The following CTSD variants were observed in gnomAD, a reference collection of about 807,000 sequenced individuals.
The protein encoded by CTSD is ceroid-lipofuscinosis, neuronal 10.
In CTSD, 28 loss-of-function variants were observed where a neutral mutation model predicts 43.6. The observed-to-expected ratio is 0.64, with a 90% CI of 0.48 to 0.88. The LOEUF is 0.88. Among genes scored for constraint, CTSD ranks in the 40% least tolerant of loss-of-function variants. The pLI is 0.00. For synonymous variants in CTSD, 270 were observed against 249.8 expected (o/e 1.08, Z -0.76); for missense variants, 485 against 555.2 (o/e 0.87, Z 1.27).
chr11:1,758,854 AGGGCTGGGGTT>A (rs1845840229), intron 4 of CTSD, 104 bp downstream of exon 4: 2 of 819,460 alleles, frequency 2.4e-6, no homozygotes, highest in Non-Finnish European at 4.3e-6. Flanking sequence ...CGGCCACCTG[AGGGCTGGGGTT>A]GGGCTGGGAT....
At chr11:1,763,728 A>G in intron 1 of CTSD, 64 bp downstream of exon 1, 2 of 1,420,968 alleles carry the variant, frequency 1.4e-6, no homozygotes, top group Middle Eastern at 2.4e-4. Flanking sequence ...AAGTCACCAC[A>G]GGCCCCGGGA....
chr11:1,759,475 A>G (rs537543164), intron 3 of CTSD, 41 bp downstream of exon 3: 16 of 1,611,526 alleles, frequency 9.9e-6, no homozygotes, highest in Admixed American at 1.7e-5. Context: ...ACATCCCGGA[A>G]GGGCAGGACC....
chr11:1,761,213 G>T, intron 2 of CTSD, 96 bp downstream of exon 2: 2 of 1,423,498 alleles, frequency 1.4e-6, no homozygotes, highest in South Asian at 1.2e-5. Context: ...CTCAAACTGC[G>T]CTGCTGAGAA....
At position 1,754,525 on chromosome 11, in the gene CTSD, G is replaced by GGGGATGTGGGGATGGAGGGATGGA. The variant is rs1554962370; in HGVS notation, c.827+380_827+381insTCCATCCCTCCATCCCCACATCCC. ...GGGGATGGAGGGATGGAGGGATGGA[G>GGGGATGTGGGGATGGAGGGATGGA]GGGATGGAGGGATGGAGGGATGGAG... On this transcript the variant is annotated intron_variant, in intron 6 of 8. Transcript: ENST00000236671. Among the ~76,000 whole-genome samples the GGGGATGTGGGGATGGAGGGATGGA allele has an allele frequency of 1.8e-3, 62 of 33,660 alleles. 2 individuals are homozygous for GGGGATGTGGGGATGGAGGGATGGA. Among genetic ancestry groups the GGGGATGTGGGGATGGAGGGATGGA allele is most frequent in the African/African-American group, 4.8e-3 (52 of 10,780 alleles). The allele number at this position is 33,660 out of a possible 152,430, so 22.1% of individuals were successfully genotyped here. A position where few individuals can be genotyped will look rare whatever the true frequency, so the allele number is the denominator to read the frequency against.
rs145852974 is a variant in CTSD, at chr11:1,761,463, G to A, written c.74C>T (p.Pro25Leu). The A allele has an allele frequency of 5.0e-6, 8 of 1,613,630 alleles. No individual in the cohort carries two copies. The African/African-American group carries it at 9.3e-5, about 19-fold the overall frequency. The change falls in exon 2 of 9, where the codon CCG becomes CTG. Residue 25 changes from proline to leucine, a missense_variant. Physicochemically the swap from Pro to Leu is moderately conservative, Grantham distance 98. Transcript: ENST00000236671. The stretch of plus-strand genomic sequence containing the variant: ...GCGGATGGACGTGAACTTGTGCAGC[G>A]GGATCCTGTCAACCACGGGTCGGGG... ...AAPASALVRI[P>L]LHKFTSIRRT...
Position 1,753,893 on chromosome 11 carries a change from G to T in CTSD, c.981C>A (p.Ile327=). ...AVPLIQGEYM[I]PCEKVSTLPA... ...GCAGGGTGGACACCTTCTCACAGGG[G>T]ATCATGTACTAAGAGGGGTCACAGC... Residue 327 remains isoleucine (I), a synonymous_variant, in exon 8 of 9, where the codon ATC becomes ATA. Coordinates refer to ENST00000236671, the MANE Select transcript of CTSD (RefSeq NM_001909.5). 1.2e-6 allele frequency: 2 copies of T among 1,613,424 alleles called. No individual in the cohort carries two copies. Among genetic ancestry groups the T allele is most frequent in the African/African-American group, 2.7e-5 (2 of 75,024 alleles).
At chr11:1,759,220 G>T (rs751769213) in intron 3 of CTSD, 133 bp from the exon 4 acceptor site, 1 of 891,934 alleles carries the variant, frequency 1.1e-6, no homozygotes, top group South Asian at 1.3e-5. Context: ...ATTTGGAGGG[G>T]ATCTGAGGCC....
intron 6 of CTSD, 61 bp from the exon 7 acceptor site, chr11:1,754,199 G>A: frequency 6.4e-7 from 1 of 1,565,608 alleles, no homozygotes; most frequent in Non-Finnish European, 8.6e-7. Flanking sequence ...GGGGCCCAGT[G>A]CCCCTCCCTG....
At chr11:1,762,270 A>G (rs1263628045) in intron 1 of CTSD, 3 of 152,472 alleles carry the variant, frequency 2.0e-5, no homozygotes, top group Non-Finnish European at 4.4e-5. Flanking sequence ...GTCACCCAGC[A>G]CACCGCCAGC....
rs1184773829 is a variant in CTSD, at chr11:1,753,675, G to A, written c.1072-5C>T. On this transcript the variant is annotated splice_region_variant and splice_polypyrimidine_tract_variant and intron_variant, in intron 8 of 8. Coordinates refer to ENST00000236671, the MANE Select transcript of CTSD (RefSeq NM_001909.5). ...GGTCTTCCCGGCCTGCGACACCTGG[G>A]ACGGCCCTGGTGGTCAGTACCCAGG... 1 of 1,612,654 alleles carries A rather than the reference G, an allele frequency of 6.2e-7. No homozygotes were observed. Among genetic ancestry groups the A allele is most frequent in the Non-Finnish European group, 8.5e-7 (1 of 1,179,802 alleles).
chr11:1,759,959 G>C (rs536855139), intron 2 of CTSD, among the ~76,000 whole-genome samples: 13 of 152,334 alleles, frequency 8.5e-5, no homozygotes, highest in African/African-American at 2.4e-4. Context: ...AGCCAGGGTG[G>C]GGACAGACGT....
rs764106396 is a variant in CTSD at position 1,753,812 on chromosome 11, G to A, written c.1062C>T (p.Tyr354=). Residue 354 remains tyrosine, a synonymous_variant, in exon 8 of 9, where the codon TAC becomes TAT. Coordinates refer to ENST00000236671, the MANE Select transcript of CTSD (RefSeq NM_001909.5). The part of the protein sequence containing the change: ...GKGYKLSPED[Y]TLKVSQAGKT... ...CCCATTGCCCGCTCACCTTGAGCGT[G>A]TAGTCCTCTGGGGACAGCTTGTAGC... The A allele has an allele frequency of 1.8e-5, 29 of 1,613,488 alleles. No homozygotes were observed. Among genetic ancestry groups the A allele is most frequent in the African/African-American group, 2.7e-5 (2 of 74,898 alleles).
Position 1,761,486 on chromosome 11 carries a change from G to C in CTSD, c.69-18C>G. 6.2e-7 allele frequency: 1 copy of C among 1,613,612 alleles called. No individual in the cohort carries two copies. The highest frequency in any genetic ancestry group is 1.1e-5 in the South Asian group (1 of 91,080). ...GCGGGATCCTGTCAACCACGGGTCGGGGCATATCAGGGAGGCCCTCCCGCC... is the reference window on the plus strand; with the variant it reads ...GCGGGATCCTGTCAACCACGGGTCGCGGCATATCAGGGAGGCCCTCCCGCC... On this transcript the variant is annotated intron_variant, in intron 1 of 8. Coordinates refer to ENST00000236671, the MANE Select transcript of CTSD (RefSeq NM_001909.5).
intron 1 of CTSD, chr11:1,763,583 G>A (rs1845909709): frequency 1.9e-6 from 1 of 524,264 alleles, no homozygotes. Context: ...TGGCGCCTCT[G>A]CCCCGGGTCC....
intron 2 of CTSD, 48 bp from the exon 3 acceptor site, chr11:1,759,687 CCCCACTGGG>C (rs1256110344): frequency 6.3e-7 from 1 of 1,579,874 alleles, no homozygotes; most frequent in Non-Finnish European, 8.6e-7. Flanking sequence ...GGCCCCATCT[CCCCACTGGG>C]CCTCAGAAGG....
At chr11:1,755,287 G>A (rs1317346702) in intron 5 of CTSD, 3 of 533,514 alleles carry the variant, frequency 5.6e-6, no homozygotes, top group Non-Finnish European at 1.0e-5. Context: ...GTCTGCTCAG[G>A]AGCCAAGGTT....
intron 6 of CTSD, chr11:1,754,381 G>C (rs560744974): frequency 1.8e-6 from 1 of 557,364 alleles, no homozygotes; most frequent in Non-Finnish European, 3.2e-6. Flanking sequence ...GGATGGAGGG[G>C]CATAGAGGGA....
rs147553344 is a variant in CTSD, at chr11:1,753,540, T to C, written c.1202A>G (p.Asn401Ser). 177 of 1,612,900 alleles carry C rather than the reference T, an allele frequency of 1.1e-4. 1 individual carries two copies. Among genetic ancestry groups the C allele is most frequent in the Non-Finnish European group, 2.0e-5 (24 of 1,179,896 alleles). Residue 401 changes from asparagine (N) to serine (S), a missense_variant, in exon 9 of 9, where the codon AAC (asparagine) becomes AGC (serine). Coordinates refer to ENST00000236671, the MANE Select transcript of CTSD (RefSeq NM_001909.5). The stretch of plus-strand genomic sequence containing the variant: ...AGCCTCGGCGAAGCCCACCCTGTTG[T>C]TGTCACGGTCAAACACAGTGTAGTA... ...GRYYTVFDRDNNRVGFAEAAR... is the reference protein window; with the variant it reads ...GRYYTVFDRDSNRVGFAEAAR...
Position 1,763,896 on chromosome 11 carries a change from C to G in CTSD, c.-37G>C, listed in dbSNP as rs756112449. On this transcript the variant is annotated 5_prime_UTR_variant, in exon 1 of 9. Coordinates refer to ENST00000236671, the MANE Select transcript of CTSD (RefSeq NM_001909.5). ...CCGGGTCGGAGAGGGTCGCCGAGGC[C>G]GTGCGCTTATAGCCGGGATGACGCC... 1 of 1,508,892 alleles carries G rather than the reference C, an allele frequency of 6.6e-7. No individual in the cohort carries two copies. Among genetic ancestry groups the G allele is most frequent in the Non-Finnish European group, 8.8e-7 (1 of 1,131,900 alleles). The allele number at this position is 1,508,892 out of a possible 1,614,324, so 93.5% of individuals were successfully genotyped here.
Sources: gnomAD v4.1 joint callset for allele counts (sites outside exome capture counted in the v4.1 genomes callset) on GRCh38, gnomAD v4.1.1 for gene constraint, MANE v1.5 for transcripts, NCBI Gene and HGNC (gene_info 2026-07-23, HGNC 2026-07-21) for gene names.